The following GEN1 variants were observed in gnomAD, a reference collection of about 807,000 sequenced individuals.
GEN1 encodes the protein GEN1 structure-specific endonuclease.
In GEN1, 64 loss-of-function variants were observed where a neutral mutation model predicts 67.6. The observed-to-expected ratio is 0.95, with a 90% CI of 0.77 to 1.17. GEN1 has a LOEUF of 1.17. GEN1 is among the 50% of genes most tolerant of loss of function. GEN1 has a pLI of 0.00. For synonymous variants in GEN1, 371 were observed against 359.4 expected, an observed-to-expected ratio of 1.03 and a Z score of -0.37; for missense variants, 1,058 against 1,048.3, an observed-to-expected ratio of 1.01 and a Z score of -0.13.
At chr2:17,771,575 C>G (rs1672191966) in intron 7 of GEN1, among the ~76,000 whole-genome samples, 1 of 151,970 alleles carries the variant, frequency 6.6e-6, no homozygotes, top group African/African-American at 2.4e-5. Context: ...ATATAGAAAT[C>G]CATTTTAAGA....
At chr2:17,758,869 A>AG (rs1671547218) in intron 1 of GEN1, among the ~76,000 whole-genome samples, 1 of 151,780 alleles carries the variant, frequency 6.6e-6, no homozygotes, top group African/African-American at 2.4e-5. Flanking sequence ...AAAAAAAAAA[A>AG]GGAATAATAC....
At position 17,781,286 on chromosome 2, in the gene GEN1, G is replaced by C. The variant is rs775837161; in HGVS notation, c.2074G>C (p.Asp692His). The C allele has an allele frequency of 3.1e-6, 5 of 1,613,752 alleles. No homozygotes were observed. Among genetic ancestry groups the C allele is most frequent in the Non-Finnish European group, 1.7e-6 (2 of 1,179,736 alleles). Residue 692 changes from aspartate to histidine, a missense_variant, in exon 14 of 14, where the codon GAT becomes CAT. Coordinates refer to ENST00000381254, the MANE Select transcript of GEN1 (RefSeq NM_001130009.3). The part of the protein sequence containing the change: ...LSYPQDNLQP[D>H]VNLKTLSILS... ...ATATCCTCAGGATAATCTACAACCA[G>C]ATGTCAACCTGAAAACTTTGTCCAT...
intron 1 of GEN1, among the ~76,000 whole-genome samples, chr2:17,755,944 T>G (rs1056717004): frequency 6.6e-6 from 1 of 152,248 alleles, no homozygotes; most frequent in Non-Finnish European, 1.5e-5. Context: ...GACTTGTTTT[T>G]GTTTTAACTG....
chr2:17,759,877 A>T, intron 1 of GEN1, 52 bp from the exon 2 acceptor site: 1 of 1,472,994 alleles, frequency 6.8e-7, no homozygotes. Flanking sequence ...AATTCCTGTT[A>T]TGAGCTTCTG....
At chr2:17,759,632 T>G (rs928191481) in intron 1 of GEN1, among the ~76,000 whole-genome samples, 5 of 152,106 alleles carry the variant, frequency 3.3e-5, no homozygotes, top group African/African-American at 1.2e-4. Context: ...AGTCCCATTC[T>G]CTAAGTATGT....
rs962142079 is a variant in GEN1, at chr2:17,778,051, T to G, written c.1252T>G (p.Trp418Gly). ...TGGAGTTCATTGTTTTGAAATAGAA[T>G]GGGAAAAGCCTGGTATGTATTCACT... ...RNGVHCFEIE[W>G]EKPEHYAMED... The change falls in exon 12 of 14, where the codon TGG (tryptophan) becomes GGG (glycine). Residue 418 changes from tryptophan (W) to glycine (G), a missense_variant. Coordinates refer to ENST00000381254, the MANE Select transcript of GEN1 (RefSeq NM_001130009.3). 8 of 1,594,066 alleles carry G rather than the reference T, an allele frequency of 5.0e-6. No individual in the cohort carries two copies. Among genetic ancestry groups the G allele is most frequent in the Admixed American group, 1.7e-5 (1 of 59,760 alleles).
chr2:17,757,867 T>C (rs1315990995), intron 1 of GEN1, among the ~76,000 whole-genome samples: 1 of 152,210 alleles, frequency 6.6e-6, no homozygotes, highest in Non-Finnish European at 1.5e-5. Context: ...TTTTTAACTT[T>C]TTTCTAATTT....
At position 17,776,780 on chromosome 2, in the gene GEN1, C is replaced by T. The variant is rs550829940; in HGVS notation, c.1203-1222C>T. Among the ~76,000 whole-genome samples the T allele has an allele frequency of 2.6e-5, 4 of 152,198 alleles. No homozygotes were observed. In the East Asian group the frequency reaches 5.8e-4, roughly 22 times the overall value. On this transcript the variant is annotated intron_variant, in intron 11 of 13. Coordinates refer to ENST00000381254, the MANE Select transcript of GEN1 (RefSeq NM_001130009.3). ...ATTAAAACATTATTCATAGGAAAAG[C>T]GTTTTTAAACATATGAAGAGTAAGA...
At chr2:17,771,518 T>G (rs1434414242) in intron 7 of GEN1, among the ~76,000 whole-genome samples, 1 of 152,172 alleles carries the variant, frequency 6.6e-6, no homozygotes, top group African/African-American at 2.4e-5. Flanking sequence ...TAAGTACAGT[T>G]TCAAACTATG....
Position 17,764,898 on chromosome 2 carries a change from G to A in GEN1, c.350G>A (p.Cys117Tyr). ...CTTGCACCTGCTTTTTGTTTTCAGTGCCTCCATATGCTCGAATGCTTAGGA... is the reference window on the plus strand; with the variant it reads ...CTTGCACCTGCTTTTTGTTTTCAGTACCTCCATATGCTCGAATGCTTAGGA... ...RSHFKSVLRE[C>Y]LHMLECLGIP... is the part of the protein sequence containing the mutation. Residue 117 changes from cysteine to tyrosine, a missense_variant and splice_region_variant, in exon 4 of 14, where the codon TGC becomes TAC. Cys to Tyr is a radical substitution (Grantham distance 194). Coordinates refer to ENST00000381254, the MANE Select transcript of GEN1 (RefSeq NM_001130009.3). 1 of 1,608,534 alleles carries A rather than the reference G, an allele frequency of 6.2e-7. No individual in the cohort carries two copies. The highest frequency in any genetic ancestry group is 8.5e-7 in the Non-Finnish European group (1 of 1,178,368).
upstream of GEN1, chr2:17,754,082 A>C (rs1406014228): frequency 6.6e-6 from 1 of 151,700 alleles, no homozygotes. Context: ...AGCGGGCCCC[A>C]TTGGGGGAAA....
At chr2:17,768,905 G>A (rs1672054820) in intron 6 of GEN1, 94 bp downstream of exon 6, 11 of 671,396 alleles carry the variant, frequency 1.6e-5, no homozygotes, top group East Asian at 5.9e-5. Flanking sequence ...TTCCAAAAAA[G>A]GGTTTTGTAT....
intron 2 of GEN1, among the ~76,000 whole-genome samples, chr2:17,760,573 A>G (rs1198915785): frequency 6.6e-6 from 1 of 152,174 alleles, no homozygotes; most frequent in East Asian, 1.9e-4. Flanking sequence ...CCCCTACCCC[A>G]GACTATTTTC....
Position 17,788,280 on chromosome 2 carries a change from G to A in GEN1, c.*6341G>A, listed in dbSNP as rs1323734391. 6.6e-6 allele frequency: 1 copy of A among 152,208 alleles called. No individual in the cohort carries two copies. The highest frequency in any genetic ancestry group is 1.5e-5 in the Non-Finnish European group (1 of 68,034). 9.4% of individuals were successfully genotyped at this position (152,208 alleles called of 1,614,324 possible). On this transcript the variant is annotated 3_prime_UTR_variant, in exon 14 of 14. Transcript: ENST00000381254. ...CAGGCTCAGCTAACAGCTTGCATTAGCCTCTTTCAGGAACTTGCCACATTG... is the reference window on the plus strand; with the variant it reads ...CAGGCTCAGCTAACAGCTTGCATTAACCTCTTTCAGGAACTTGCCACATTG...
intron 1 of GEN1, chr2:17,755,721 G>C (rs1157148466): frequency 2.0e-5 from 3 of 152,104 alleles, no homozygotes; most frequent in African/African-American, 7.2e-5. Flanking sequence ...GAACTAAATT[G>C]CAAAACTTGC....
intron 3 of GEN1, 118 bp from the exon 4 acceptor site, chr2:17,764,775 CGTAA>C (rs1572396344): frequency 1.2e-6 from 1 of 845,558 alleles, no homozygotes; most frequent in East Asian, 2.9e-5. Context: ...TCTTAAATAT[CGTAA>C]TTTTTAAAAC....
intron 6 of GEN1, among the ~76,000 whole-genome samples, chr2:17,769,208 A>G (rs1672070444): frequency 1.3e-5 from 2 of 150,538 alleles, no homozygotes; most frequent in African/African-American, 4.9e-5. Context: ...TAAAATATAC[A>G]TATTATTTAT....
Position 17,778,147 on chromosome 2 carries a change from TATATATAC to T in GEN1, c.1264+86_1264+93del, listed in dbSNP as rs769619258. 8.2e-3 allele frequency: 4,740 copies of T among 578,634 alleles called. 54 individuals carry two copies. Among genetic ancestry groups the T allele is most frequent in the Non-Finnish European group, 0.011 (3,641 of 319,118 alleles). 35.8% of individuals were successfully genotyped at this position (578,634 alleles called of 1,614,324 possible). On this transcript the variant is annotated intron_variant, in intron 12 of 13. Transcript: ENST00000381254. ...TAAATATTGTATATGTGTATATATA[TATATATAC>T]ACACACACATAGATATGTGTATATA...
intron 12 of GEN1, among the ~76,000 whole-genome samples, chr2:17,778,966 G>A (rs2125171572): frequency 6.6e-6 from 1 of 152,256 alleles, no homozygotes; most frequent in Middle Eastern, 3.4e-3. Flanking sequence ...CTGTTGCCCA[G>A]GCTGGAGAGT....
Sources: allele counts gnomAD v4.1 joint callset (sites outside exome capture counted in the v4.1 genomes callset), GRCh38; gene constraint gnomAD v4.1.1; transcripts MANE v1.5; gene names NCBI Gene and HGNC (gene_info 2026-07-23, HGNC 2026-07-21).